ARHGAP32: variants seen among roughly 807,000 people sequenced by gnomAD.
ARHGAP32 encodes Rho GTPase activating protein 32.
A neutral mutation model predicts 186.5 loss-of-function variants in ARHGAP32; 51 were observed. The observed-to-expected ratio is 0.27, with a 90% confidence interval of 0.22 to 0.35. ARHGAP32 has a LOEUF of 0.35. ARHGAP32 is among the 10% of genes least tolerant of loss of function. The pLI, the probability that ARHGAP32 is intolerant of heterozygous loss-of-function variation, is 1.00. For synonymous variants in ARHGAP32, 950 were observed against 964.3 expected, an observed-to-expected ratio of 0.99 and a Z score of 0.27; for missense variants, 2,186 against 2,623.5, an observed-to-expected ratio of 0.83 and a Z score of 3.64.
At chr11:129,131,710 T>C (rs1190701606) in intron 2 of ARHGAP32, among the ~76,000 whole-genome samples, 4 of 152,134 alleles carry the variant, frequency 2.6e-5, no homozygotes, top group African/African-American at 9.7e-5. Flanking sequence ...ACATGAGATT[T>C]GGATGGGCCC....
intron 13 of ARHGAP32, 97 bp from the exon 14 acceptor site, chr11:128,986,765 C>G: frequency 8.4e-7 from 1 of 1,192,680 alleles, no homozygotes; most frequent in Non-Finnish European, 1.2e-6. Context: ...GTGTTCAGCT[C>G]TATCTCAGTG....
At chr11:129,161,120 G>A (rs956917077) in intron 2 of ARHGAP32, among the ~76,000 whole-genome samples, 33 of 152,020 alleles carry the variant, frequency 2.2e-4, no homozygotes, top group Non-Finnish European at 4.6e-4. Flanking sequence ...AATTGAAACT[G>A]GACCCCTTCT....
In ARHGAP32 at chr11:129,029,801, CAAAAAAAAAAAAAA is replaced by C. The variant is rs34762356; in HGVS notation, c.1045+11113_1045+11126del. 1.3e-3 allele frequency among the ~76,000 whole-genome samples: 59 copies of C among 46,954 alleles called. 4 individuals are homozygous for C. In the East Asian group the frequency reaches 0.029, roughly 23 times the overall value. The allele number at this position is 46,954 out of a possible 152,430, so 30.8% of individuals were successfully genotyped here. ...TGGGGGACAGAGGGAGACTCCGTCT[CAAAAAAAAAAAAAA>C]AAAAAAAAAAACGGGTAGGAAGGGG... On this transcript the variant is annotated intron_variant, in intron 11 of 22. Coordinates refer to ENST00000682385, the MANE Select transcript of ARHGAP32 (RefSeq NM_001378024.1).
chr11:129,081,639 A>C (rs1412346911), intron 6 of ARHGAP32, among the ~76,000 whole-genome samples: 1 of 152,116 alleles, frequency 6.6e-6, no homozygotes, highest in Non-Finnish European at 1.5e-5. Context: ...ACCCGCAGCA[A>C]ACATTATACT....
At chr11:128,994,781 T>C (rs532446217) in intron 12 of ARHGAP32, among the ~76,000 whole-genome samples, 94 of 152,332 alleles carry the variant, frequency 6.2e-4, no homozygotes, top group African/African-American at 2.2e-3. Context: ...TAGGCTTCAT[T>C]TGAATGTTCA....
Position 129,070,756 on chromosome 11 carries a change from GT to G in ARHGAP32, c.532-3889del, listed in dbSNP as rs575586176. The stretch of plus-strand genomic sequence containing the variant: ...ATACAAAATTCCTAAAAATTGACAC[GT>G]TGTACCAATTTTTACTGCTTGGGTC... On this transcript the variant is annotated intron_variant, in intron 6 of 22. Transcript: ENST00000682385. Among the ~76,000 whole-genome samples, 5 of 151,888 alleles carry G rather than the reference GT, an allele frequency of 3.3e-5. No individual in the cohort carries two copies. The East Asian group carries it at 9.7e-4, about 29-fold the overall frequency.
upstream of ARHGAP32, among the ~76,000 whole-genome samples, chr11:129,195,996 C>G (rs986600330): frequency 6.6e-5 from 10 of 152,206 alleles, no homozygotes; most frequent in Non-Finnish European, 1.5e-4. Context: ...GAGCTGAAGT[C>G]TTTGACTGAA....
intron 10 of ARHGAP32, among the ~76,000 whole-genome samples, chr11:129,057,099 C>T (rs753245126): frequency 1.6e-4 from 25 of 152,240 alleles, no homozygotes; most frequent in African/African-American, 3.1e-4. Flanking sequence ...GCTGGCTGAC[C>T]GAGGTGCATG....
chr11:129,260,740 T>TCTTA (rs1945311164), intron 1 of ARHGAP32, among the ~76,000 whole-genome samples: 1 of 152,124 alleles, frequency 6.6e-6, no homozygotes, highest in Non-Finnish European at 1.5e-5. Context: ...ACCTCCAAAA[T>TCTTA]CTTAGCACAA....
intron 11 of ARHGAP32, chr11:129,030,695 T>C (rs1017425153): frequency 4.6e-5 from 7 of 152,192 alleles, no homozygotes; most frequent in African/African-American, 7.2e-5. Context: ...TCCCCCACCA[T>C]GGTTCTGTGA....
At chr11:129,130,362 AAAAT>A (rs1214225650) in intron 2 of ARHGAP32, among the ~76,000 whole-genome samples, 2 of 152,146 alleles carry the variant, frequency 1.3e-5, no homozygotes, top group East Asian at 1.9e-4. Flanking sequence ...TTCATTATGA[AAAAT>A]AAATATTCTA....
At chr11:129,090,012 C>A (rs1266005883) in intron 6 of ARHGAP32, among the ~76,000 whole-genome samples, 3 of 152,092 alleles carry the variant, frequency 2.0e-5, no homozygotes, top group Admixed American at 2.0e-4. Context: ...TGGCCCTATC[C>A]TAAATACAGA....
intron 5 of ARHGAP32, among the ~76,000 whole-genome samples, chr11:129,116,403 C>G (rs1327613609): frequency 2.6e-5 from 4 of 152,026 alleles, no homozygotes; most frequent in Non-Finnish European, 5.9e-5. Flanking sequence ...TGATGACTCA[C>G]TATCTGAACA....
upstream of ARHGAP32, among the ~76,000 whole-genome samples, chr11:129,195,642 G>A (rs1026380603): frequency 2.0e-5 from 3 of 152,108 alleles, no homozygotes; most frequent in Admixed American, 1.3e-4. Context: ...CACCCGCCTC[G>A]GCTGGAGGTT....
intron 12 of ARHGAP32, among the ~76,000 whole-genome samples, chr11:128,997,758 T>C (rs1700881159): frequency 6.6e-6 from 1 of 152,120 alleles, no homozygotes; most frequent in Non-Finnish European, 1.5e-5. Context: ...AAAATAAAAA[T>C]TAGCCAGGTG....
intron 10 of ARHGAP32, among the ~76,000 whole-genome samples, chr11:129,059,099 T>A (rs1166689027): frequency 6.6e-6 from 1 of 152,210 alleles, no homozygotes; most frequent in African/African-American, 2.4e-5. Flanking sequence ...CCTTTCCATA[T>A]GGTAGAAAAC....
At chr11:129,168,368 T>A (rs1268975087) in intron 1 of ARHGAP32, among the ~76,000 whole-genome samples, 1 of 152,196 alleles carries the variant, frequency 6.6e-6, no homozygotes. Flanking sequence ...AAGGCTAGCG[T>A]AGCTATATTA....
intron 6 of ARHGAP32, among the ~76,000 whole-genome samples, chr11:129,084,425 T>G (rs1278373998): frequency 2.6e-5 from 4 of 151,112 alleles, no homozygotes; most frequent in African/African-American, 4.9e-5. Context: ...CTAGCAACTA[T>G]AATCCAACAA....
chr11:129,176,910 G>A lies in ARHGAP32; in HGVS notation c.117-12483C>T, dbSNP rs569413738. ...GCAAGAGCAAACACATTCAAAAGCT[G>A]GCAGAAGGCAAGAAATAACTAAAAT... is the stretch of plus-strand genomic sequence containing the variant. On this transcript the variant is annotated intron_variant, in intron 1 of 22. Coordinates refer to ENST00000682385, the MANE Select transcript of ARHGAP32 (RefSeq NM_001378024.1). 7.9e-3 allele frequency among the ~76,000 whole-genome samples: 1,195 copies of A among 152,044 alleles called. 8 individuals are homozygous for A. Among genetic ancestry groups the A allele is most frequent in the South Asian group, 0.029 (140 of 4,798 alleles).
Sources: gnomAD v4.1 joint callset for allele counts (sites outside exome capture counted in the v4.1 genomes callset) on GRCh38, gnomAD v4.1.1 for gene constraint, MANE v1.5 for transcripts, NCBI Gene and HGNC (gene_info 2026-07-23, HGNC 2026-07-21) for gene names.